COL28A1: variants seen among roughly 807,000 people sequenced by gnomAD.
The protein encoded by COL28A1 is collagen alpha-1(XXVIII) chain.
Under a neutral mutation model 150.2 loss-of-function variants are expected in COL28A1, and 161 were observed. That is an observed-to-expected ratio of 1.07 (90% confidence interval 0.94 to 1.22). The LOEUF (loss-of-function observed/expected upper bound fraction) is 1.22, where lower values mean the gene tolerates loss of function less well. COL28A1 is among the 50% of genes most tolerant of loss of function. The pLI, the probability that COL28A1 is intolerant of heterozygous loss-of-function variation, is 0.00. For missense variants in COL28A1, 1,617 were observed against 1,388.3 expected (o/e 1.16, Z -2.62); for synonymous variants, 552 against 469.7 (o/e 1.18, Z -2.26).
chr7:7,508,187 G>A (rs531896374), intron 9 of COL28A1, among the ~76,000 whole-genome samples: 12 of 151,150 alleles, frequency 7.9e-5, no homozygotes, highest in African/African-American at 2.9e-4. Context: ...AGCTGAGATC[G>A]CGCCACTGCA....
chr7:7,419,404 C>T (rs1784276477), intron 26 of COL28A1, among the ~76,000 whole-genome samples: 1 of 152,084 alleles, frequency 6.6e-6, no homozygotes, highest in Admixed American at 6.5e-5. Context: ...GAATAACCAC[C>T]AAACTGAAGG....
chr7:7,493,684 T>C (rs79377874), intron 11 of COL28A1, among the ~76,000 whole-genome samples: 15,073 of 152,126 alleles, frequency 0.099, 839 homozygotes, highest in Middle Eastern at 0.15. Flanking sequence ...TTTTCTTTCC[T>C]ACAGAGATTC....
At chr7:7,470,909 A>G (rs1221956383) in intron 15 of COL28A1, among the ~76,000 whole-genome samples, 2 of 127,400 alleles carry the variant, frequency 1.6e-5, no homozygotes, top group African/African-American at 6.5e-5. Context: ...GGAATTGAAC[A>G]ATGAGATCAC....
chr7:7,408,531 A>G (rs1783613069), intron 27 of COL28A1, among the ~76,000 whole-genome samples: 1 of 152,202 alleles, frequency 6.6e-6, no homozygotes. Context: ...GGATTGCAGT[A>G]CAAAAATACA....
the COL28A1 span, among the ~76,000 whole-genome samples, chr7:7,339,220 T>C: frequency 2.6e-5 from 4 of 152,282 alleles, no homozygotes; most frequent in African/African-American, 9.6e-5. Flanking sequence ...TCGAATCCAA[T>C]CTTTTGCCTC....
chr7:7,456,681 TA>T (rs1317604118), intron 15 of COL28A1, among the ~76,000 whole-genome samples: 1 of 152,184 alleles, frequency 6.6e-6, no homozygotes, highest in Non-Finnish European at 1.5e-5. Flanking sequence ...TCTGTGTCTT[TA>T]TACAGGTGTT....
chr7:7,448,700 A>C (rs964687136), intron 18 of COL28A1, among the ~76,000 whole-genome samples: 3 of 151,868 alleles, frequency 2.0e-5, no homozygotes, highest in Non-Finnish European at 4.4e-5. Flanking sequence ...CTGGAAAAAA[A>C]CAAAATTTAT....
the COL28A1 span, among the ~76,000 whole-genome samples, chr7:7,339,449 C>T: frequency 2.0e-5 from 3 of 152,100 alleles, no homozygotes; most frequent in South Asian, 2.1e-4. Context: ...TCAAAATTGA[C>T]TCTCCTGTTT....
At chr7:7,427,628 A>G (rs1784722084) in intron 25 of COL28A1, among the ~76,000 whole-genome samples, 1 of 152,216 alleles carries the variant, frequency 6.6e-6, no homozygotes, top group African/African-American at 2.4e-5. Flanking sequence ...TTTTAGAATA[A>G]TGATACTCAG....
chr7:7,381,326 C>T (rs1289758805), intron 28 of COL28A1, among the ~76,000 whole-genome samples: 1 of 152,154 alleles, frequency 6.6e-6, no homozygotes, highest in Non-Finnish European at 1.5e-5. Flanking sequence ...CTCAAGCAAT[C>T]CCCCTACCTG....
chr7:7,397,052 C>T (rs577942730), intron 27 of COL28A1, among the ~76,000 whole-genome samples: 3 of 152,162 alleles, frequency 2.0e-5, no homozygotes, highest in Non-Finnish European at 2.9e-5. Context: ...TATCTGTTTT[C>T]TATTGCTGTT....
chr7:7,389,653 T>C (rs1003103023), intron 27 of COL28A1, among the ~76,000 whole-genome samples: 4 of 152,224 alleles, frequency 2.6e-5, no homozygotes, highest in Non-Finnish European at 5.9e-5. Context: ...TCCATTTGTT[T>C]GTGTCTTCTC....
At chr7:7,348,205 TAA>T in the COL28A1 span, among the ~76,000 whole-genome samples, 1 of 151,570 alleles carries the variant, frequency 6.6e-6, no homozygotes, top group Non-Finnish European at 1.5e-5. Flanking sequence ...ACAATGAGAG[TAA>T]AGTTGGAGTT....
intron 27 of COL28A1, among the ~76,000 whole-genome samples, chr7:7,398,651 C>T (rs566673198): frequency 6.6e-6 from 1 of 152,318 alleles, no homozygotes; most frequent in South Asian, 2.1e-4. Flanking sequence ...TTGTCCTGCC[C>T]TCCTATCTAA....
downstream of COL28A1, among the ~76,000 whole-genome samples, chr7:7,355,902 A>T (rs573698225): frequency 1.3e-5 from 2 of 152,326 alleles, no homozygotes; most frequent in East Asian, 3.9e-4. Flanking sequence ...TCACAGCAAC[A>T]GTGGCAGAAT....
chr7:7,485,226 T>C (rs780076703), intron 13 of COL28A1, among the ~76,000 whole-genome samples: 5 of 152,168 alleles, frequency 3.3e-5, no homozygotes, highest in South Asian at 4.1e-4. Flanking sequence ...CATATATAGA[T>C]ATATACATAC....
chr7:7,471,125 T>TAAAAAAAAAAAAAAAAAAAAAAAAAAA (rs746981344), intron 15 of COL28A1, among the ~76,000 whole-genome samples: 1 of 88,522 alleles, frequency 1.1e-5, no homozygotes, highest in African/African-American at 4.1e-5. Context: ...AAAAAATAAT[T>TAAAAAAAAAAAAAAAAAAAAAAAAAAA]AAAAAAAAAA....
chr7:7,460,172 T>TG (rs1787493306), intron 15 of COL28A1, among the ~76,000 whole-genome samples: 1 of 152,220 alleles, frequency 6.6e-6, no homozygotes, highest in Admixed American at 6.5e-5. Flanking sequence ...CCTGAGTCAC[T>TG]GTAGGTTCAT....
chr7:7,388,354 A>AG (rs1782323849), intron 27 of COL28A1, among the ~76,000 whole-genome samples: 1 of 151,872 alleles, frequency 6.6e-6, no homozygotes, highest in South Asian at 2.1e-4. Flanking sequence ...ATCCTTTTTT[A>AG]TGGCTGCATA....
Sources: allele counts gnomAD v4.1 joint callset (sites outside exome capture counted in the v4.1 genomes callset), GRCh38; gene constraint gnomAD v4.1.1; transcripts MANE v1.5; gene names NCBI Gene and HGNC (gene_info 2026-07-23, HGNC 2026-07-21).